Variants in ALG14 observed in about 807,000 individuals in gnomAD.
ALG14 encodes UDP-N-acetylglucosamine transferase subunit ALG14.
In ALG14, 17 loss-of-function variants were observed where a neutral mutation model predicts 22.8. That is an observed-to-expected ratio of 0.75 (90% confidence interval 0.51 to 1.12). The LOEUF (loss-of-function observed/expected upper bound fraction) is 1.12, where lower values mean the gene tolerates loss of function less well. Ranked by LOEUF, ALG14 falls within the 50% of genes most tolerant of loss-of-function variation. ALG14 has a pLI of 0.00. For synonymous variants in ALG14, 89 were observed against 103.7 expected (o/e 0.86, Z 0.86); for missense variants, 288 against 271.8 (o/e 1.06, Z -0.42).
At chr1:95,066,848 G>A (rs1201687006) in intron 1 of ALG14, among the ~76,000 whole-genome samples, 1 of 151,606 alleles carries the variant, frequency 6.6e-6, no homozygotes, top group Non-Finnish European at 1.5e-5. Flanking sequence ...GCAACAGAGC[G>A]AGACTCTGTC....
intron 3 of ALG14, among the ~76,000 whole-genome samples, chr1:95,022,541 G>A (rs1282858228): frequency 6.6e-6 from 1 of 152,170 alleles, no homozygotes; most frequent in Non-Finnish European, 1.5e-5. Flanking sequence ...CGCATATATG[G>A]AGAGGAAACA....
At chr1:95,011,075 A>C (rs1673347749) in intron 3 of ALG14, among the ~76,000 whole-genome samples, 3 of 152,236 alleles carry the variant, frequency 2.0e-5, no homozygotes, top group Admixed American at 2.0e-4. Context: ...ATAAATAGGA[A>C]GGCATCTAGA....
At chr1:95,014,176 C>G (rs1443486681) in intron 3 of ALG14, among the ~76,000 whole-genome samples, 1 of 152,190 alleles carries the variant, frequency 6.6e-6, no homozygotes, top group East Asian at 1.9e-4. Flanking sequence ...AACAGACTTC[C>G]TCCTCTGGTG....
intron 3 of ALG14, among the ~76,000 whole-genome samples, chr1:95,021,980 A>G (rs1673677989): frequency 6.6e-6 from 1 of 152,218 alleles, no homozygotes. Context: ...CAGATCCAAA[A>G]TGAGCCTGTG....
At chr1:94,988,424 G>A (rs1672693154) in intron 3 of ALG14, among the ~76,000 whole-genome samples, 1 of 152,212 alleles carries the variant, frequency 6.6e-6, no homozygotes, top group Admixed American at 6.5e-5. Flanking sequence ...TAGAGACAGA[G>A]AAAAGATCTT....
chr1:94,989,083 T>C (rs1010106247), intron 3 of ALG14, among the ~76,000 whole-genome samples: 1 of 152,202 alleles, frequency 6.6e-6, no homozygotes, highest in African/African-American at 2.4e-5. Flanking sequence ...CCTATGGAGA[T>C]CTCATAACTC....
intron 2 of ALG14, among the ~76,000 whole-genome samples, 199 bp from the exon 3 acceptor site, chr1:95,027,459 C>T (rs1673856788): frequency 6.6e-6 from 1 of 152,108 alleles, no homozygotes; most frequent in African/African-American, 2.4e-5. Context: ...CAAAAAAGTT[C>T]CTATGATTCA....
rs554986208 is a variant in ALG14 at position 94,983,886 on chromosome 1, C to G, written c.421-580G>C. 2.0e-5 allele frequency among the ~76,000 whole-genome samples: 3 copies of G among 151,662 alleles called. No individual in the cohort carries two copies. In the South Asian group the frequency reaches 6.3e-4, roughly 32 times the overall value. ...CCTCCTGAGTAGCTGGGACTACAGG[C>G]GCCCGCCACCACACCCGGCTAATTT... On this transcript the variant is annotated intron_variant, in intron 3 of 3. Transcript: ENST00000370205.
rs567850478 is a variant in ALG14 at position 95,071,269 on chromosome 1, CA to C, written c.136+1493del. ...TGCTTTATAAAGCAGGATTTTAGGCCAGGGGTGGCTCACGTCTGCAACCCCA... is the reference window on the plus strand; with the variant it reads ...TGCTTTATAAAGCAGGATTTTAGGCCGGGGTGGCTCACGTCTGCAACCCCA... On this transcript the variant is annotated intron_variant, in intron 1 of 3. Coordinates refer to ENST00000370205, the MANE Select transcript of ALG14 (RefSeq NM_144988.4). Among the ~76,000 whole-genome samples the C allele has an allele frequency of 1.1e-4, 16 of 152,188 alleles. No individual in the cohort carries two copies. The East Asian group carries it at 2.9e-3, about 28-fold the overall frequency.
At chr1:94,991,954 C>T (rs967026783) in intron 3 of ALG14, among the ~76,000 whole-genome samples, 2 of 152,010 alleles carry the variant, frequency 1.3e-5, no homozygotes. Flanking sequence ...TCACTGTCTT[C>T]CACCTCCACA....
chr1:95,041,431 A>G (rs1212824246), intron 2 of ALG14: 1 of 152,182 alleles, frequency 6.6e-6, no homozygotes, highest in Non-Finnish European at 1.5e-5. Context: ...TAGGCAACAC[A>G]GCAAGACCCC....
chr1:95,000,195 T>A (rs1017423889), intron 3 of ALG14, among the ~76,000 whole-genome samples: 2 of 152,164 alleles, frequency 1.3e-5, no homozygotes, highest in African/African-American at 4.8e-5. Flanking sequence ...AGAAGCTGCA[T>A]AATATTGTTC....
At chr1:95,018,587 G>A (rs1673572726) in intron 3 of ALG14, among the ~76,000 whole-genome samples, 1 of 151,968 alleles carries the variant, frequency 6.6e-6, no homozygotes, top group South Asian at 2.1e-4. Flanking sequence ...CGGAAGGAAG[G>A]AAGGAAGGGT....
chr1:95,037,695 T>C (rs544693708), intron 2 of ALG14, among the ~76,000 whole-genome samples: 57 of 152,360 alleles, frequency 3.7e-4, no homozygotes, highest in Non-Finnish European at 4.7e-4. Flanking sequence ...CGTAGGTTTA[T>C]GTCACTTGAA....
intron 3 of ALG14, among the ~76,000 whole-genome samples, chr1:95,020,067 A>C (rs1055746028): frequency 1.3e-5 from 2 of 151,970 alleles, no homozygotes; most frequent in Non-Finnish European, 2.9e-5. Context: ...AAAATACAAA[A>C]GTTAGCTGGG....
In ALG14 at chr1:95,052,362, A is replaced by T. The variant is rs77282241; in HGVS notation, c.288+12504T>A. On this transcript the variant is annotated intron_variant, in intron 2 of 3. Transcript: ENST00000370205. ...GATAACTAATTTAGGTGGTATAAAC[A>T]CAAATTAGAACCAAAATACTACACA... is the stretch of plus-strand genomic sequence containing the variant. Among the ~76,000 whole-genome samples the T allele has an allele frequency of 3.7e-3, 564 of 152,332 alleles. 6 individuals carry two copies. Among genetic ancestry groups the T allele is most frequent in the African/African-American group, 0.013 (536 of 41,568 alleles).
At chr1:95,026,093 C>T (rs903541480) in intron 3 of ALG14, among the ~76,000 whole-genome samples, 12 of 152,108 alleles carry the variant, frequency 7.9e-5, no homozygotes, top group Non-Finnish European at 1.5e-4. Flanking sequence ...CCACCACGGC[C>T]GGCAAATCTT....
intron 1 of ALG14, among the ~76,000 whole-genome samples, chr1:95,069,567 T>TA (rs1571688334): frequency 6.7e-6 from 1 of 149,866 alleles, no homozygotes; most frequent in Admixed American, 6.7e-5. Context: ...TATTCAAACC[T>TA]AGACTAAATG....
chr1:95,021,494 T>G (rs1421386214), intron 3 of ALG14, among the ~76,000 whole-genome samples: 1 of 152,230 alleles, frequency 6.6e-6, no homozygotes, highest in African/African-American at 2.4e-5. Flanking sequence ...CGGTGCTGTC[T>G]GTGCCCCCTT....
Sources: gnomAD v4.1 joint callset for allele counts (sites outside exome capture counted in the v4.1 genomes callset) on GRCh38, gnomAD v4.1.1 for gene constraint, MANE v1.5 for transcripts, NCBI Gene and HGNC (gene_info 2026-07-23, HGNC 2026-07-21) for gene names.